Variants in METTL3 observed in about 807,000 individuals in gnomAD.
METTL3 encodes N(6)-adenosine-methyltransferase catalytic subunit METTL3.
A neutral mutation model predicts 64.3 loss-of-function variants in METTL3; 42 were observed. That is an observed-to-expected ratio of 0.65 (90% confidence interval 0.51 to 0.84). METTL3 has a LOEUF of 0.84. METTL3 is among the 40% of genes least tolerant of loss of function. The pLI is 0.00. For missense variants in METTL3, 435 were observed against 722.3 expected, an observed-to-expected ratio of 0.60 and a Z score of 4.56; for synonymous variants, 256 against 263.6, an observed-to-expected ratio of 0.97 and a Z score of 0.28.
chr14:21,503,439 G>C lies in METTL3; in HGVS notation c.457C>G (p.Leu153Val), dbSNP rs554107761. ...TLVTYADHSK[L>V]SAMMGAVAEK... is the part of the protein sequence containing the mutation. ...GCCACAGCACCCATCATGGCAGAGAGCTTGGAATGGTCAGCATAGGTTACA... is the reference window on the plus strand; with the variant it reads ...GCCACAGCACCCATCATGGCAGAGACCTTGGAATGGTCAGCATAGGTTACA... The change falls in exon 3 of 11, where the codon CTC becomes GTC. Residue 153 changes from leucine (L) to valine (V), a missense_variant. Transcript: ENST00000298717. 6.2e-7 allele frequency: 1 copy of C among 1,614,076 alleles called. No homozygotes were observed. The highest frequency in any genetic ancestry group is 1.3e-5 in the African/African-American group (1 of 75,054).
chr14:21,499,910 T>C (rs1891515814), intron 6 of METTL3, 108 bp from the exon 7 acceptor site: 1 of 1,007,776 alleles, frequency 9.9e-7, no homozygotes, highest in African/African-American at 1.6e-5. Context: ...AGACGCTCAG[T>C]GAACATTTAC....
rs1299219241 is a variant in METTL3 at position 21,500,535 on chromosome 14, G to T, written c.1264C>A (p.Leu422Ile). 1.9e-6 allele frequency: 3 copies of T among 1,614,124 alleles called. No individual in the cohort carries two copies. The South Asian group carries it at 3.3e-5, about 18-fold the overall frequency. Residue 422 changes from leucine to isoleucine, a missense_variant, in exon 6 of 11, where the codon CTA becomes ATA. Around this residue, in one of 9 missense-constraint regions of METTL3, gnomAD observed 36 missense variants for 73.0 expected, o/e 0.49. Transcript: ENST00000298717. The stretch of plus-strand genomic sequence containing the variant: ...AGGAAGAGAAAGCCATCATCCTGTA[G>T]TACGGGTATGTTGAGCCTGCGCATC... ...DEMRRLNIPV[L>I]QDDGFLFLWV... is the part of the protein sequence containing the mutation.
rs752443021 is a variant in METTL3 at position 21,498,336 on chromosome 14, G to A, written c.1665C>T (p.His555=). 2.5e-6 allele frequency: 4 copies of A among 1,614,174 alleles called. No individual in the cohort carries two copies. Among genetic ancestry groups the A allele is most frequent in the Non-Finnish European group, 3.4e-6 (4 of 1,180,024 alleles). ...ITLGNQLDGI[H]LLDPDVVARF... is the part of the protein sequence containing the mutation. ...GTGCAACCACATCTGGGTCTAGTAGGTGGATCCCATCCAGTTGGTTTCCAA... is the reference window on the plus strand; with the variant it reads ...GTGCAACCACATCTGGGTCTAGTAGATGGATCCCATCCAGTTGGTTTCCAA... Residue 555 remains histidine, a synonymous_variant, in exon 11 of 11, where the codon CAC becomes CAT. Transcript: ENST00000298717.
rs1367891945 is a variant in METTL3 at position 21,500,991 on chromosome 14, G to C, written c.1038C>G (p.Asp346Glu). 1.2e-6 allele frequency: 2 copies of C among 1,614,020 alleles called. No homozygotes were observed. The highest frequency in any genetic ancestry group is 1.7e-6 in the Non-Finnish European group (2 of 1,180,044). ...CMDSEAPGSK[D>E]HTPSQELALT... is the part of the protein sequence containing the mutation. ...GAGCAAGCTCCTGGCTTGGCGTGTG[G>C]TCTTTGCTGCCAGGGGCCTCAGAAT... The change falls in exon 5 of 11, where the codon GAC becomes GAG. Residue 346 changes from aspartate (D) to glutamate (E), a missense_variant. By Grantham distance (45) the Asp-to-Glu change is conservative (BLOSUM62 2). Around this residue, in one of 9 missense-constraint regions of METTL3, gnomAD observed 67 missense variants for 71.5 expected, o/e 0.94. Transcript: ENST00000298717.
chr14:21,499,701 G>A, intron 7 of METTL3, 63 bp downstream of exon 7: 7 of 1,579,608 alleles, frequency 4.4e-6, no homozygotes, highest in South Asian at 1.1e-5. Flanking sequence ...TCTGGGAGAA[G>A]AGAACATGTA....
At position 21,501,882 on chromosome 14, in the gene METTL3, G is replaced by A. The variant is rs1277063819; in HGVS notation, c.745C>T (p.Leu249=). 4 of 1,614,066 alleles carry A rather than the reference G, an allele frequency of 2.5e-6. No individual in the cohort carries two copies. Among genetic ancestry groups the A allele is most frequent in the Non-Finnish European group, 3.4e-6 (4 of 1,180,014 alleles). The change falls in exon 4 of 11, where the codon CTA becomes TTA. Residue 249 remains leucine (L), a synonymous_variant. Coordinates refer to ENST00000298717, the MANE Select transcript of METTL3 (RefSeq NM_019852.5). ...TCCTTGGCTGTTGTAGTATTTAATA[G>A]CTCTAGGATCTCCTGACTGACCTGT... ...SKKVSQEILE[L]LNTTTAKEQS... is the part of the protein sequence containing the mutation.
chr14:21,508,420 T>C (rs530319748), intron 1 of METTL3, among the ~76,000 whole-genome samples: 4 of 152,206 alleles, frequency 2.6e-5, no homozygotes, highest in South Asian at 4.1e-4. Flanking sequence ...ATATTAAACA[T>C]GTTTAGCAAG....
chr14:21,510,943 G>T, intron 1 of METTL3, 181 bp downstream of exon 1: 1 of 652,874 alleles, frequency 1.5e-6, no homozygotes, highest in Non-Finnish European at 2.5e-6. Context: ...GCGTGAGGAG[G>T]AACCGCGAAC....
chr14:21,499,435 A>G (rs1289343682), intron 8 of METTL3, 57 bp downstream of exon 8: 5 of 1,610,600 alleles, frequency 3.1e-6, no homozygotes, highest in Non-Finnish European at 4.2e-6. Context: ...CTCAGTAAGA[A>G]ATCAAATGAT....
chr14:21,509,707 A>C (rs1339412160), intron 1 of METTL3, among the ~76,000 whole-genome samples: 1 of 152,244 alleles, frequency 6.6e-6, no homozygotes, highest in Admixed American at 6.5e-5. Flanking sequence ...TCAAAAACAA[A>C]AGCAAAAAAA....
rs561787191 is a variant in METTL3, at chr14:21,501,969, G to A, written c.724-66C>T. ...TCAAATTGGCTCTTAGACCAACTCCGCAAATTCTTTTTGACATTAATGTCT... is the reference window on the plus strand; with the variant it reads ...TCAAATTGGCTCTTAGACCAACTCCACAAATTCTTTTTGACATTAATGTCT... On this transcript the variant is annotated intron_variant, in intron 3 of 10. Coordinates refer to ENST00000298717, the MANE Select transcript of METTL3 (RefSeq NM_019852.5). 7.1e-4 allele frequency: 997 copies of A among 1,396,002 alleles called. 13 individuals carry two copies. In the South Asian group the frequency reaches 0.011, roughly 15 times the overall value. The allele number at this position is 1,396,002 out of a possible 1,614,324, so 86.5% of individuals were successfully genotyped here.
Position 21,503,825 on chromosome 14 carries a change from G to C in METTL3, c.157C>G (p.Pro53Ala). 1 of 1,614,226 alleles carries C rather than the reference G, an allele frequency of 6.2e-7. No homozygotes were observed. The highest frequency in any genetic ancestry group is 1.1e-5 in the South Asian group (1 of 91,090). ...SPTFRSDSPV[P>A]TAPTSGGPKP... is the part of the protein sequence containing the mutation. ...GGGCCACCAGAGGTGGGTGCAGTAGGCACTGGGCTGTCACTACGGAAGGTT... is the reference window on the plus strand; with the variant it reads ...GGGCCACCAGAGGTGGGTGCAGTAGCCACTGGGCTGTCACTACGGAAGGTT... The change falls in exon 2 of 11, where the codon CCT becomes GCT. Residue 53 changes from proline to alanine, a missense_variant. By Grantham distance (27) the Pro-to-Ala change is conservative. Around this residue, in one of 9 missense-constraint regions of METTL3, gnomAD observed 228 missense variants for 279.6 expected, o/e 0.82. Coordinates refer to ENST00000298717, the MANE Select transcript of METTL3 (RefSeq NM_019852.5).
At position 21,503,244 on chromosome 14, in the gene METTL3, C is replaced by T; in HGVS notation, c.652G>A (p.Ala218Thr). The stretch of plus-strand genomic sequence containing the variant: ...TCTATCTCCAGATCAACATCTGAGG[C>T]AGCATGTTTCCTTGATTTCTTGGCT... ...EPAKKSRKHA[A>T]SDVDLEIESL... The change falls in exon 3 of 11, where the codon GCC (alanine) becomes ACC (threonine). Residue 218 changes from alanine to threonine, a missense_variant. Ala to Thr is a moderately conservative substitution (Grantham distance 58). This residue lies in a region of METTL3 where 228 missense variants were observed against 279.6 expected (regional missense o/e 0.82). Transcript: ENST00000298717. The T allele has an allele frequency of 5.6e-6, 9 of 1,614,180 alleles. No individual in the cohort carries two copies. The highest frequency in any genetic ancestry group is 7.6e-6 in the Non-Finnish European group (9 of 1,180,016).
intron 1 of METTL3, among the ~76,000 whole-genome samples, chr14:21,505,813 A>G (rs931268342): frequency 1.3e-5 from 2 of 152,212 alleles, no homozygotes; most frequent in Admixed American, 6.5e-5. Flanking sequence ...CTACACTGAC[A>G]TTCTGCTTCT....
chr14:21,506,381 G>A (rs1330239885), intron 1 of METTL3, among the ~76,000 whole-genome samples: 5 of 151,698 alleles, frequency 3.3e-5, no homozygotes, highest in Admixed American at 1.3e-4. Context: ...GTGAAACCCC[G>A]TCTCTACTAA....
Position 21,499,863 on chromosome 14 carries a change from T to C in METTL3, c.1305-61A>G, listed in dbSNP as rs373668084. On this transcript the variant is annotated intron_variant, in intron 6 of 10. Transcript: ENST00000298717. The stretch of plus-strand genomic sequence containing the variant: ...CCATATTTTTTTTCCCTTCAAAATA[T>C]GTGATGTGTTAAAAACACTATAAAC... 31 of 1,509,744 alleles carry C rather than the reference T, an allele frequency of 2.1e-5. No homozygotes were observed. In the African/African-American group the frequency reaches 2.8e-4, roughly 13 times the overall value. The allele number at this position is 1,509,744 out of a possible 1,614,324, so 93.5% of individuals were successfully genotyped here.
chr14:21,506,619 A>G (rs1891704137), intron 1 of METTL3, among the ~76,000 whole-genome samples: 2 of 152,262 alleles, frequency 1.3e-5, no homozygotes, highest in Non-Finnish European at 2.9e-5. Context: ...ACCCAGGTTC[A>G]TAGCAGCATT....
chr14:21,498,958 A>T, intron 10 of METTL3, 67 bp downstream of exon 10: 1 of 1,087,038 alleles, frequency 9.2e-7, no homozygotes. Flanking sequence ...GTGAAGCTCT[A>T]CTAAGTTCTG....
At chr14:21,507,310 G>C (rs1333211001) in intron 1 of METTL3, among the ~76,000 whole-genome samples, 1 of 151,982 alleles carries the variant, frequency 6.6e-6, no homozygotes, top group Non-Finnish European at 1.5e-5. Flanking sequence ...TTATATCCTT[G>C]TCTTTTGACA....
Sources: allele counts gnomAD v4.1 joint callset (sites outside exome capture counted in the v4.1 genomes callset), GRCh38; gene constraint gnomAD v4.1.1; regional missense constraint gnomAD v4.1.1; transcripts MANE v1.5; gene names NCBI Gene and HGNC (gene_info 2026-07-23, HGNC 2026-07-21).